The following PDK3 variants were observed in gnomAD, a reference collection of about 807,000 sequenced individuals.
The protein encoded by PDK3 is pyruvate dehydrogenase kinase, isozyme 3.
PDK3 carries 12 observed loss-of-function variants against 32.0 expected under a neutral mutation model. That is an observed-to-expected ratio of 0.37 (90% confidence interval 0.24 to 0.61). The LOEUF is 0.61. Ranked by LOEUF, PDK3 falls within the 20% of genes least tolerant of loss-of-function variation. PDK3 has a pLI of 0.65. For missense variants in PDK3, 188 were observed against 316.9 expected, an observed-to-expected ratio of 0.59 and a Z score of 3.09; for synonymous variants, 122 against 116.3, an observed-to-expected ratio of 1.05 and a Z score of -0.31.
At chrX:24,480,087 CCATCGAGTG>C (rs1434860635) in intron 1 of PDK3, among the ~76,000 whole-genome samples, 1 of 111,464 alleles carries the variant, frequency 9.0e-6, no homozygotes, top group African/African-American at 3.3e-5. Flanking sequence ...GAGGAAAGGA[CCATCGAGTG>C]CATTGTCACC....
chrX:24,523,360 A>G (rs1357405573), intron 6 of PDK3, among the ~76,000 whole-genome samples: 1 of 112,515 alleles, frequency 8.9e-6, no homozygotes, highest in Non-Finnish European at 1.9e-5. Flanking sequence ...CATTCCGTCC[A>G]TAAGAGGCAT....
At chrX:24,500,193 CAA>C (rs1921819154) in intron 3 of PDK3, among the ~76,000 whole-genome samples, 1 of 110,698 alleles carries the variant, frequency 9.0e-6, no homozygotes, top group Admixed American at 9.6e-5. Context: ...AAAAAAAAAG[CAA>C]TAAAAAATAA....
chrX:24,535,614 A>G (rs182640057), downstream of PDK3, among the ~76,000 whole-genome samples: 6 of 111,590 alleles, frequency 5.4e-5, no homozygotes, highest in South Asian at 3.7e-4. Context: ...TGCCACTGCT[A>G]TAGCTTCGTG....
chrX:24,535,844 C>T (rs1922762529), downstream of PDK3, among the ~76,000 whole-genome samples: 1 of 105,532 alleles, frequency 9.5e-6, no homozygotes, highest in African/African-American at 3.5e-5. Context: ...GCCACCATGC[C>T]TGGCTAATTT....
rs527512097 is a variant in PDK3, at chrX:24,467,087, C to T, written c.106+1526C>T. On this transcript the variant is annotated intron_variant, in intron 1 of 10. Transcript: ENST00000379162. Reference sequence around the variant, plus strand: ...ATTTCCATAGCAGCTAGTGTCTACCCGTGTTAATAGGTATTTTGGTAAGGA... The same window carrying T: ...ATTTCCATAGCAGCTAGTGTCTACCTGTGTTAATAGGTATTTTGGTAAGGA... Among the ~76,000 whole-genome samples, 5 of 111,952 alleles carry T rather than the reference C, an allele frequency of 4.5e-5. No homozygotes were observed. In the South Asian group the frequency reaches 1.5e-3, roughly 33 times the overall value.
chrX:24,527,470 CA>C, intron 7 of PDK3, 103 bp from the exon 8 acceptor site: 4 of 485,391 alleles, frequency 8.2e-6, no homozygotes, highest in Non-Finnish European at 1.3e-5. Flanking sequence ...ATATTTGCCC[CA>C]AAAAAGGGTT....
At position 24,489,735 on chromosome X, in the gene PDK3, A is replaced by G. The variant is rs767766463; in HGVS notation, c.107-5007A>G. ...AAAGAAATCAACAACAAACAAAGAAAAAAACAAACTTCTGAAAGCATTATC... is the reference window on the plus strand; with the variant it reads ...AAAGAAATCAACAACAAACAAAGAAGAAAACAAACTTCTGAAAGCATTATC... On this transcript the variant is annotated intron_variant, in intron 1 of 10. Coordinates refer to ENST00000379162, the MANE Select transcript of PDK3 (RefSeq NM_005391.5). Among the ~76,000 whole-genome samples, 273 of 111,002 alleles carry G rather than the reference A, an allele frequency of 2.5e-3. 1 individual carries two copies. Among genetic ancestry groups the G allele is most frequent in the Non-Finnish European group, 4.4e-3 (234 of 52,994 alleles).
chrX:24,485,838 T>A (rs1921385598), intron 1 of PDK3, among the ~76,000 whole-genome samples: 1 of 110,921 alleles, frequency 9.0e-6, no homozygotes, highest in South Asian at 3.8e-4. Flanking sequence ...CCTGCTTCCT[T>A]CCCAAACCTG....
intron 1 of PDK3, 74 bp downstream of exon 1, chrX:24,465,635 C>A: frequency 1.3e-6 from 1 of 769,224 alleles, no homozygotes; most frequent in East Asian, 3.5e-5. Context: ...ATCTCCGCAG[C>A]TTCGGGGTAA....
intron 6 of PDK3, 92 bp downstream of exon 6, chrX:24,519,102 A>G: frequency 1.9e-6 from 1 of 534,228 alleles, no homozygotes; most frequent in South Asian, 3.4e-5. Context: ...TCCAAAAATT[A>G]TACTGATTTT....
chrX:24,467,036 T>C (rs2035464744), intron 1 of PDK3, among the ~76,000 whole-genome samples: 1 of 112,056 alleles, frequency 8.9e-6, no homozygotes, highest in Admixed American at 9.5e-5. Flanking sequence ...ATAGCTCCAA[T>C]AGCCAGCCAA....
chrX:24,544,021 T>A (rs1277850612), exon 12 of PDK3, among the ~76,000 whole-genome samples: 1 of 111,718 alleles, frequency 9.0e-6, no homozygotes, highest in African/African-American at 3.3e-5. Context: ...AGAGTGTGGG[T>A]AAATCCTCCT....
intron 1 of PDK3, among the ~76,000 whole-genome samples, chrX:24,474,553 A>G (rs911589672): frequency 1.8e-5 from 2 of 110,000 alleles, no homozygotes; most frequent in African/African-American, 6.6e-5. Context: ...ACCTGGGACT[A>G]CAGGCATGCG....
chrX:24,542,869 T>C (rs760894685), exon 12 of PDK3, among the ~76,000 whole-genome samples: 1 of 112,522 alleles, frequency 8.9e-6, no homozygotes, highest in Non-Finnish European at 1.9e-5. Context: ...TATTTACAAA[T>C]GTATTCCTGT....
rs16997706 is a variant in PDK3, at chrX:24,496,632, T to C, written c.248+1749T>C. ...GATTTAGGAATCCACTTCAGGATCA[T>C]GCATTGTGTTTCACTGCCATTTTTT... is the stretch of plus-strand genomic sequence containing the variant. On this transcript the variant is annotated intron_variant, in intron 2 of 10. Coordinates refer to ENST00000379162, the MANE Select transcript of PDK3 (RefSeq NM_005391.5). Among the ~76,000 whole-genome samples, 390 of 96,915 alleles carry C rather than the reference T, an allele frequency of 4.0e-3. 3 individuals carry two copies. The highest frequency in any genetic ancestry group is 0.014 in the African/African-American group (367 of 26,384). The allele number at this position is 96,915 out of a possible 115,157, so 84.2% of individuals were successfully genotyped here.
At chrX:24,466,102 T>C (rs1450475484) in intron 1 of PDK3, among the ~76,000 whole-genome samples, 1 of 111,032 alleles carries the variant, frequency 9.0e-6, no homozygotes, top group Non-Finnish European at 1.9e-5. Context: ...GCAGACGCCT[T>C]AGATGCTTGG....
intron 5 of PDK3, 84 bp from the exon 6 acceptor site, chrX:24,518,849 A>G (rs1430321735): frequency 3.5e-5 from 13 of 374,998 alleles, no homozygotes; most frequent in East Asian, 3.4e-4. Flanking sequence ...ACACACACAC[A>G]CACACACACA....
exon 12 of PDK3, chrX:24,546,900 T>A (rs761460626): frequency 8.8e-6 from 1 of 113,005 alleles, no homozygotes; most frequent in South Asian, 3.7e-4. Context: ...TCTGATATAG[T>A]TACGTGCCTG....
chrX:24,474,658 C>A (rs1320003323), intron 1 of PDK3, among the ~76,000 whole-genome samples: 1 of 110,790 alleles, frequency 9.0e-6, no homozygotes, highest in East Asian at 2.8e-4. Context: ...AGGTGATCCA[C>A]CCGCCTCTGC....
Sources: allele counts gnomAD v4.1 joint callset (sites outside exome capture counted in the v4.1 genomes callset), GRCh38; gene constraint gnomAD v4.1.1; transcripts MANE v1.5; gene names NCBI Gene and HGNC (gene_info 2026-07-23, HGNC 2026-07-21).